Variants in KIAA1217 observed in about 807,000 individuals in gnomAD.
The protein encoded by KIAA1217 is KIAA1217, also known as sickle tail protein homolog.
A neutral mutation model predicts 163.9 loss-of-function variants in KIAA1217; 88 were observed. That is an observed-to-expected ratio of 0.54 (90% CI 0.45 to 0.64). KIAA1217 has a LOEUF of 0.64. Ranked by LOEUF, KIAA1217 falls within the 30% of genes least tolerant of loss-of-function variation. The pLI is 0.00. For missense variants in KIAA1217, 2,372 were observed against 2,475.0 expected (o/e 0.96, Z 0.88); for synonymous variants, 903 against 923.1 (o/e 0.98, Z 0.39).
chr10:24,309,653 G>A (rs1018424551), intron 2 of KIAA1217, among the ~76,000 whole-genome samples: 1 of 152,134 alleles, frequency 6.6e-6, no homozygotes, highest in Non-Finnish European at 1.5e-5. Flanking sequence ...GTGAATCAAG[G>A]TTTACCACAT....
chr10:24,406,462 A>C (rs1008201365), intron 3 of KIAA1217, among the ~76,000 whole-genome samples: 1 of 151,834 alleles, frequency 6.6e-6, no homozygotes, highest in Non-Finnish European at 1.5e-5. Context: ...GTCCTAGAAA[A>C]AGGTGCTAGG....
At chr10:24,342,766 C>T (rs1435507980) in intron 2 of KIAA1217, among the ~76,000 whole-genome samples, 1 of 151,010 alleles carries the variant, frequency 6.6e-6, no homozygotes, top group East Asian at 2.0e-4. Context: ...TCAAGCGATC[C>T]TCCTGCCTCA....
At chr10:24,429,632 C>G (rs1010402344) in intron 3 of KIAA1217, among the ~76,000 whole-genome samples, 4 of 152,130 alleles carry the variant, frequency 2.6e-5, no homozygotes, top group East Asian at 3.9e-4. Context: ...CAAATGCTCC[C>G]CCTTTTTCTG....
intron 1 of KIAA1217, among the ~76,000 whole-genome samples, chr10:23,823,500 A>T (rs183157074): frequency 6.6e-6 from 1 of 152,278 alleles, no homozygotes; most frequent in Admixed American, 6.5e-5. Context: ...TGTAAGTGGA[A>T]TGGGCTCACC....
At chr10:24,438,303 C>A in intron 4 of KIAA1217, 83 bp from the exon 5 acceptor site, 1 of 898,482 alleles carries the variant, frequency 1.1e-6, no homozygotes, top group South Asian at 1.4e-5. Flanking sequence ...ATGTTTTTTA[C>A]CTGATCTTTA....
intron 6 of KIAA1217, chr10:24,482,095 T>C (rs1178898132): frequency 6.6e-6 from 1 of 152,172 alleles, no homozygotes; most frequent in Non-Finnish European, 1.5e-5. Context: ...TTGATAAACA[T>C]ACTAGACCAA....
chr10:24,218,277 CT>C (rs1406114029), intron 1 of KIAA1217, among the ~76,000 whole-genome samples: 2 of 152,098 alleles, frequency 1.3e-5, no homozygotes, highest in Admixed American at 6.5e-5. Context: ...CCTTTACATG[CT>C]CCCCACTCTC....
chr10:23,709,935 A>G (rs1837145447), intron 1 of KIAA1217, among the ~76,000 whole-genome samples: 1 of 152,174 alleles, frequency 6.6e-6, no homozygotes, highest in Non-Finnish European at 1.5e-5. Flanking sequence ...CAACTCTGTT[A>G]TGTCGCACTT....
At chr10:24,323,982 G>A (rs2044526275) in intron 2 of KIAA1217, among the ~76,000 whole-genome samples, 1 of 152,046 alleles carries the variant, frequency 6.6e-6, no homozygotes. Context: ...TAAGATCTTA[G>A]GCTAAGGAAC....
At chr10:24,459,522 G>A (rs1281040063) in intron 5 of KIAA1217, among the ~76,000 whole-genome samples, 1 of 152,080 alleles carries the variant, frequency 6.6e-6, no homozygotes, top group East Asian at 1.9e-4. Context: ...CTTAACCCTG[G>A]GCTTTGTATA....
chr10:24,240,317 A>G (rs1361810716), intron 2 of KIAA1217, among the ~76,000 whole-genome samples: 2 of 152,240 alleles, frequency 1.3e-5, no homozygotes, highest in South Asian at 4.1e-4. Flanking sequence ...AGCGGAGTTC[A>G]GAATCATCGA....
chr10:24,140,017 T>C (rs545397134), intron 2 of KIAA1217, among the ~76,000 whole-genome samples: 16 of 150,142 alleles, frequency 1.1e-4, no homozygotes, highest in South Asian at 4.2e-4. Context: ...TTTTTTTTTT[T>C]CCCCCTTATC....
At chr10:24,092,360 A>G (rs1443790876) in intron 2 of KIAA1217, among the ~76,000 whole-genome samples, 3 of 151,850 alleles carry the variant, frequency 2.0e-5, no homozygotes, top group Non-Finnish European at 4.4e-5. Context: ...TCAAGATACT[A>G]AGGACTATAA....
intron 2 of KIAA1217, among the ~76,000 whole-genome samples, chr10:24,318,464 C>T (rs1052714005): frequency 2.0e-5 from 3 of 152,192 alleles, no homozygotes; most frequent in Non-Finnish European, 4.4e-5. Context: ...ATCAACTCTA[C>T]CTTAGGTCTC....
chr10:23,843,821 C>T (rs1284673971), intron 1 of KIAA1217, among the ~76,000 whole-genome samples: 1 of 152,164 alleles, frequency 6.6e-6, no homozygotes, highest in Non-Finnish European at 1.5e-5. Context: ...CAACCGATCT[C>T]TTCCTAACCA....
chr10:23,779,552 CGATGAACCCTTGGTAT>C (rs1196164101), intron 1 of KIAA1217, among the ~76,000 whole-genome samples: 1 of 152,142 alleles, frequency 6.6e-6, no homozygotes, highest in Admixed American at 6.5e-5. Flanking sequence ...ACAAATTCTA[CGATGAACCCTTGGTAT>C]TGAGTAATTG....
In KIAA1217 at chr10:24,398,426, A is replaced by G. The variant is rs966299082; in HGVS notation, c.553+17359A>G. 2.6e-5 allele frequency among the ~76,000 whole-genome samples: 4 copies of G among 152,296 alleles called. No individual in the cohort carries two copies. The South Asian group carries it at 8.3e-4, about 32-fold the overall frequency. ...CAAATATCCGACTTATTGGTGGCAA[A>G]TATGTACAGGTCTGCAGCAATCTCA... On this transcript the variant is annotated intron_variant, in intron 3 of 20. Coordinates refer to ENST00000376454, the MANE Select transcript of KIAA1217 (RefSeq NM_019590.5).
chr10:23,700,262 C>T (rs1295915147), intron 1 of KIAA1217, among the ~76,000 whole-genome samples: 1 of 152,120 alleles, frequency 6.6e-6, no homozygotes, highest in Non-Finnish European at 1.5e-5. Context: ...TGCAGCTAGG[C>T]CTTCATTATG....
intron 5 of KIAA1217, among the ~76,000 whole-genome samples, chr10:24,440,510 C>G (rs1301712410): frequency 6.6e-6 from 1 of 152,170 alleles, no homozygotes; most frequent in African/African-American, 2.4e-5. Flanking sequence ...CTGTTTTAAC[C>G]CTCCAGCAGC....
Sources: allele counts gnomAD v4.1 joint callset (sites outside exome capture counted in the v4.1 genomes callset), GRCh38; gene constraint gnomAD v4.1.1; transcripts MANE v1.5; gene names NCBI Gene and HGNC (gene_info 2026-07-23, HGNC 2026-07-21).